Variants in SGMS1 observed in about 807,000 individuals in gnomAD.
The protein encoded by SGMS1 is phosphatidylcholine:ceramide cholinephosphotransferase 1.
SGMS1 carries 13 observed loss-of-function variants against 46.2 expected under a neutral mutation model. That is an observed-to-expected ratio of 0.28 (90% confidence interval 0.18 to 0.45). SGMS1 has a LOEUF of 0.45. Among genes scored for constraint, SGMS1 ranks in the 20% least tolerant of loss-of-function variants. SGMS1 has a pLI of 1.00. For synonymous variants in SGMS1, 203 were observed against 187.8 expected (o/e 1.08, Z -0.66); for missense variants, 324 against 519.9 (o/e 0.62, Z 3.66).
chr10:50,337,491 A>G (rs1847734584), intron 7 of SGMS1, among the ~76,000 whole-genome samples: 1 of 152,212 alleles, frequency 6.6e-6, no homozygotes. Context: ...TGCTTTTAAG[A>G]ACTTTAATCA....
intron 3 of SGMS1, among the ~76,000 whole-genome samples, chr10:50,477,698 G>A (rs1350438684): frequency 6.6e-6 from 1 of 152,144 alleles, no homozygotes; most frequent in Non-Finnish European, 1.5e-5. Context: ...TAATGGTTTA[G>A]CACCATCTCC....
At chr10:50,354,838 A>G (rs1216205579) in intron 6 of SGMS1, among the ~76,000 whole-genome samples, 1 of 152,238 alleles carries the variant, frequency 6.6e-6, no homozygotes, top group Non-Finnish European at 1.5e-5. Context: ...GACACATGAA[A>G]AAGTGCTCAT....
At chr10:50,348,715 C>A (rs914684995) in intron 6 of SGMS1, among the ~76,000 whole-genome samples, 2 of 152,138 alleles carry the variant, frequency 1.3e-5, no homozygotes, top group Non-Finnish European at 2.9e-5. Context: ...TAGGAAGAAT[C>A]AATATCATGA....
chr10:50,537,657 C>T (rs1298879544), intron 2 of SGMS1, among the ~76,000 whole-genome samples: 1 of 150,814 alleles, frequency 6.6e-6, no homozygotes, highest in African/African-American at 2.4e-5. Context: ...GTGATGTTCC[C>T]CATCCTGTTT....
upstream of SGMS1, chr10:50,624,770 G>C: frequency 1.8e-5 from 18 of 986,098 alleles, no homozygotes; most frequent in Non-Finnish European, 2.0e-5. Flanking sequence ...ATGGACAGCG[G>C]GGAGAGCTGG....
At chr10:50,422,267 A>G (rs935565524) in intron 6 of SGMS1, among the ~76,000 whole-genome samples, 6 of 152,136 alleles carry the variant, frequency 3.9e-5, no homozygotes, top group Admixed American at 3.3e-4. Context: ...ATAAATAGTC[A>G]TTGTTGTGAA....
chr10:50,509,354 T>C (rs1317786751), intron 3 of SGMS1, among the ~76,000 whole-genome samples: 1 of 152,206 alleles, frequency 6.6e-6, no homozygotes, highest in Non-Finnish European at 1.5e-5. Context: ...TTGTGAATTG[T>C]ATTTTAGAGA....
chr10:50,351,593 T>C (rs778805609), intron 6 of SGMS1, among the ~76,000 whole-genome samples: 3 of 152,176 alleles, frequency 2.0e-5, no homozygotes, highest in Non-Finnish European at 4.4e-5. Flanking sequence ...GCTGTTGTCA[T>C]GGTAGTGAAT....
intron 1 of SGMS1, among the ~76,000 whole-genome samples, chr10:50,599,272 A>G (rs528221083): frequency 3.9e-5 from 6 of 152,244 alleles, no homozygotes; most frequent in African/African-American, 1.4e-4. Flanking sequence ...TGTTGTCTGC[A>G]TATCTTGGTT....
At chr10:50,584,972 C>T (rs1252203277) in intron 2 of SGMS1, among the ~76,000 whole-genome samples, 1 of 152,142 alleles carries the variant, frequency 6.6e-6, no homozygotes, top group Non-Finnish European at 1.5e-5. Context: ...TGGGCAGTCA[C>T]TCACAGCCCC....
intron 7 of SGMS1, among the ~76,000 whole-genome samples, chr10:50,339,179 C>G (rs990069506): frequency 3.3e-5 from 5 of 152,182 alleles, no homozygotes; most frequent in African/African-American, 4.8e-5. Context: ...GGCTTACTGC[C>G]ACATTTGAAA....
chr10:50,449,210 C>T (rs1263035983), intron 5 of SGMS1, among the ~76,000 whole-genome samples: 2 of 152,186 alleles, frequency 1.3e-5, no homozygotes, highest in African/African-American at 2.4e-5. Context: ...TAGTTGAGCA[C>T]AGAAAACTAA....
intron 6 of SGMS1, among the ~76,000 whole-genome samples, chr10:50,351,046 C>G (rs1182706318): frequency 6.6e-6 from 1 of 152,180 alleles, no homozygotes; most frequent in Non-Finnish European, 1.5e-5. Context: ...AGGCTGTACC[C>G]TGCAAAGCCA....
intron 3 of SGMS1, among the ~76,000 whole-genome samples, chr10:50,516,233 C>T (rs1197183107): frequency 6.6e-6 from 1 of 152,176 alleles, no homozygotes; most frequent in Non-Finnish European, 1.5e-5. Context: ...TGCCAAAGCC[C>T]AAGGCAACTT....
chr10:50,536,604 T>G (rs1012153714), intron 2 of SGMS1, among the ~76,000 whole-genome samples: 2 of 152,196 alleles, frequency 1.3e-5, no homozygotes, highest in African/African-American at 4.8e-5. Context: ...AAAAACTACC[T>G]AGAATTTCAC....
intron 3 of SGMS1, among the ~76,000 whole-genome samples, chr10:50,486,300 A>G (rs1837520617): frequency 6.6e-6 from 1 of 152,200 alleles, no homozygotes; most frequent in African/African-American, 2.4e-5. Flanking sequence ...CAATAAAAGC[A>G]AAAATTGACT....
intron 6 of SGMS1, among the ~76,000 whole-genome samples, chr10:50,431,829 T>A (rs1225097430): frequency 6.6e-6 from 1 of 152,164 alleles, no homozygotes; most frequent in South Asian, 2.1e-4. Flanking sequence ...GGAAGTTCAA[T>A]AGGCAGTGAG....
chr10:50,624,909 G>T, upstream of SGMS1: 1 of 1,007,060 alleles, frequency 9.9e-7, no homozygotes, highest in Non-Finnish European at 1.2e-6. Flanking sequence ...GCGGCTACGG[G>T]CCCGGCGTAC....
At chr10:50,352,631 C>T (rs991075424) in intron 6 of SGMS1, among the ~76,000 whole-genome samples, 2 of 152,174 alleles carry the variant, frequency 1.3e-5, no homozygotes, top group Admixed American at 6.5e-5. Flanking sequence ...AAATCTCATA[C>T]ATAGCAAAGA....
Sources: gnomAD v4.1 joint callset for allele counts (sites outside exome capture counted in the v4.1 genomes callset) on GRCh38, gnomAD v4.1.1 for gene constraint, MANE v1.5 for transcripts, NCBI Gene and HGNC (gene_info 2026-07-23, HGNC 2026-07-21) for gene names.